The following ZNF721 variants were observed in gnomAD, a reference collection of about 807,000 sequenced individuals.
ZNF721 encodes zinc finger protein 721.
In ZNF721, 2 loss-of-function variants were observed where a neutral mutation model predicts 2.4. That is an observed-to-expected ratio of 0.82 (90% confidence interval 0.34 to 2.58). The LOEUF is 2.58. ZNF721 is among the 30% of genes most tolerant of loss of function. The pLI, the probability that ZNF721 is intolerant of heterozygous loss-of-function variation, is 0.11. For missense variants in ZNF721, 1,187 were observed against 1,085.5 expected, an observed-to-expected ratio of 1.09 and a Z score of -1.31; for synonymous variants, 398 against 381.8, an observed-to-expected ratio of 1.04 and a Z score of -0.50.
intron 2 of ZNF721, among the ~76,000 whole-genome samples, chr4:448,197 T>C (rs1714537618): frequency 6.6e-6 from 1 of 152,056 alleles, no homozygotes; most frequent in Non-Finnish European, 1.5e-5. Flanking sequence ...AATTCAAATT[T>C]TACAGATTTC....
intron 1 of ZNF721, among the ~76,000 whole-genome samples, chr4:483,745 A>G (rs1715827435): frequency 6.6e-6 from 1 of 152,216 alleles, no homozygotes; most frequent in Admixed American, 6.5e-5. Context: ...TATGCATGTT[A>G]TACATCAATA....
At chr4:458,494 C>G (rs1428464848) in intron 2 of ZNF721, among the ~76,000 whole-genome samples, 6 of 152,144 alleles carry the variant, frequency 3.9e-5, no homozygotes, top group Admixed American at 3.3e-4. Flanking sequence ...TATGAAGGAT[C>G]AGGCAAACAT....
At chr4:483,018 A>G (rs1715806322) in intron 1 of ZNF721, among the ~76,000 whole-genome samples, 3 of 151,840 alleles carry the variant, frequency 2.0e-5, no homozygotes, top group African/African-American at 7.2e-5. Flanking sequence ...AGATGTACTG[A>G]TTTGTCAGAC....
At chr4:474,243 A>ACC in intron 1 of ZNF721, 1 of 367,352 alleles carries the variant, frequency 2.7e-6, no homozygotes, top group Admixed American at 3.8e-5. Context: ...ATATGGGTCC[A>ACC]GGCTTCACGC....
chr4:458,047 G>C (rs7673820), intron 2 of ZNF721, among the ~76,000 whole-genome samples: 5,206 of 152,312 alleles, frequency 0.034, 295 homozygotes, highest in African/African-American at 0.12. Context: ...TCAAGGGTCA[G>C]TACTGCTCAT....
chr4:490,373 G>A (rs1715991045), intron 1 of ZNF721, among the ~76,000 whole-genome samples: 1 of 151,998 alleles, frequency 6.6e-6, no homozygotes, highest in Admixed American at 6.6e-5. Flanking sequence ...CTACTCAGGA[G>A]GCTGAGAATG....
intron 1 of ZNF721, among the ~76,000 whole-genome samples, chr4:486,666 T>C (rs1715906929): frequency 6.6e-6 from 1 of 152,222 alleles, no homozygotes; most frequent in East Asian, 1.9e-4. Context: ...TTTGTCTATA[T>C]TAAAAATCAT....
intron 1 of ZNF721, among the ~76,000 whole-genome samples, chr4:491,209 C>G (rs571471248): frequency 5.3e-4 from 81 of 152,122 alleles, no homozygotes; most frequent in Non-Finnish European, 1.1e-3. Flanking sequence ...GGGTAGATCA[C>G]GAGGTCAGAA....
chr4:440,010 A>T lies in ZNF721; in HGVS notation c.*1685T>A, dbSNP rs548613505. ...AAATTTTAACACAATAACAATTTTT[A>T]TTTCAAAAATTAAGTTCACACATTA... On this transcript the variant is annotated 3_prime_UTR_variant, in exon 3 of 3. Transcript: ENST00000511833. 1 of 152,140 alleles carries T rather than the reference A, an allele frequency of 6.6e-6. No homozygotes were observed. Among genetic ancestry groups the T allele is most frequent in the South Asian group, 2.1e-4 (1 of 4,830 alleles). The allele number at this position is 152,140 out of a possible 1,614,324, so 9.4% of individuals were successfully genotyped here.
chr4:471,964 A>G (rs1553867739), intron 2 of ZNF721, among the ~76,000 whole-genome samples: 2 of 152,362 alleles, frequency 1.3e-5, no homozygotes, highest in Non-Finnish European at 2.9e-5. Flanking sequence ...AATGTTCAAA[A>G]CAGGTTCTTG....
At chr4:477,684 G>C (rs1715667891) in intron 1 of ZNF721, among the ~76,000 whole-genome samples, 1 of 151,984 alleles carries the variant, frequency 6.6e-6, no homozygotes, top group African/African-American at 2.4e-5. Context: ...AGAGCCCCTG[G>C]GGAAAGAAAA....
intron 2 of ZNF721, among the ~76,000 whole-genome samples, chr4:461,734 G>A (rs1047718247): frequency 8.5e-5 from 13 of 152,124 alleles, no homozygotes; most frequent in Admixed American, 2.0e-4. Flanking sequence ...TTAGCCAGGC[G>A]TGGTGGCACA....
At chr4:465,394 A>C (rs1715212015) in intron 2 of ZNF721, among the ~76,000 whole-genome samples, 1 of 152,064 alleles carries the variant, frequency 6.6e-6, no homozygotes, top group African/African-American at 2.4e-5. Context: ...GTGAATAAAA[A>C]AGAAGTTAGA....
intron 2 of ZNF721, among the ~76,000 whole-genome samples, chr4:464,528 AAG>A (rs1398557615): frequency 6.6e-6 from 1 of 152,048 alleles, no homozygotes; most frequent in African/African-American, 2.4e-5. Flanking sequence ...AAAAAAATGA[AAG>A]AGTGAATAAA....
intron 2 of ZNF721, among the ~76,000 whole-genome samples, chr4:472,309 C>A (rs1271634090): frequency 6.6e-6 from 1 of 152,244 alleles, no homozygotes; most frequent in Non-Finnish European, 1.5e-5. Flanking sequence ...ATCTGCCCAC[C>A]TCAGCCTCCC....
chr4:485,005 T>C (rs1553870058), intron 1 of ZNF721, among the ~76,000 whole-genome samples: 1 of 152,190 alleles, frequency 6.6e-6, no homozygotes, highest in Non-Finnish European at 1.5e-5. Flanking sequence ...TTTCTCTCTT[T>C]TGTACTCTGT....
At chr4:455,389 G>A (rs1553865300) in intron 2 of ZNF721, among the ~76,000 whole-genome samples, 1 of 152,096 alleles carries the variant, frequency 6.6e-6, no homozygotes, top group East Asian at 1.9e-4. Context: ...CCAACACGGT[G>A]AAACCCTGTC....
chr4:442,484 T>A lies in ZNF721; in HGVS notation c.1983A>T (p.Lys661Asn). ...APSTDLNQHT[K>N]ILTGEQSYKC... ...TGTAACTTTGCTCTCCAGTAAGAAT[T>A]TTCGTGTGTTGATTCAGGTCTGTTG... The change falls in exon 3 of 3, where the codon AAA becomes AAT. Residue 661 changes from lysine to asparagine, a missense_variant. Physicochemically the swap from Lys to Asn is moderately conservative, Grantham distance 94 (BLOSUM62 0). Transcript: ENST00000511833. The A allele has an allele frequency of 6.2e-7, 1 of 1,612,892 alleles. No homozygotes were observed. The highest frequency in any genetic ancestry group is 2.2e-5 in the East Asian group (1 of 44,868).
intron 1 of ZNF721, among the ~76,000 whole-genome samples, chr4:491,059 C>T (rs1266382908): frequency 6.6e-6 from 1 of 152,174 alleles, no homozygotes; most frequent in Non-Finnish European, 1.5e-5. Flanking sequence ...CTGCCAACTC[C>T]TGTCTTCTTC....
Sources: gnomAD v4.1 joint callset for allele counts (sites outside exome capture counted in the v4.1 genomes callset) on GRCh38, gnomAD v4.1.1 for gene constraint, MANE v1.5 for transcripts, NCBI Gene and HGNC (gene_info 2026-07-23, HGNC 2026-07-21) for gene names.